The following AP3B1 variants were observed in gnomAD, a reference collection of about 807,000 sequenced individuals.
AP3B1 encodes AP-3 complex subunit beta-1.
A neutral mutation model predicts 132.5 loss-of-function variants in AP3B1; 61 were observed. That is an observed-to-expected ratio of 0.46 (90% CI 0.37 to 0.57). AP3B1 has a LOEUF of 0.57. Ranked by LOEUF, AP3B1 falls within the 20% of genes least tolerant of loss-of-function variation. The pLI, the probability that AP3B1 is intolerant of heterozygous loss-of-function variation, is 0.00. For synonymous variants in AP3B1, 388 were observed against 438.3 expected (o/e 0.89, Z 1.43); for missense variants, 1,120 against 1,289.4 (o/e 0.87, Z 2.01).
intron 12 of AP3B1, among the ~76,000 whole-genome samples, chr5:78,165,177 A>G (rs1241121097): frequency 6.6e-6 from 1 of 152,194 alleles, no homozygotes; most frequent in East Asian, 1.9e-4. Context: ...TAGTGGGGCA[A>G]TTATGAAACA....
chr5:78,215,855 A>G (rs1172909315), intron 7 of AP3B1, among the ~76,000 whole-genome samples, 200 bp downstream of exon 7: 1 of 152,232 alleles, frequency 6.6e-6, no homozygotes, highest in Non-Finnish European at 1.5e-5. Flanking sequence ...ATAAATATGT[A>G]TCAATCAGTG....
chr5:78,163,520 A>AT, intron 12 of AP3B1, among the ~76,000 whole-genome samples: 1 of 151,692 alleles, frequency 6.6e-6, no homozygotes, highest in East Asian at 1.9e-4. Context: ...ATAAAATACC[A>AT]TACTTTTGAA....
At chr5:78,118,022 T>C (rs1263157587) in intron 17 of AP3B1, among the ~76,000 whole-genome samples, 1 of 152,248 alleles carries the variant, frequency 6.6e-6, no homozygotes, top group Non-Finnish European at 1.5e-5. Context: ...TATTCAAGAA[T>C]GTTTCTCAGC....
At chr5:78,160,581 G>C (rs1743348739) in intron 13 of AP3B1, among the ~76,000 whole-genome samples, 1 of 152,016 alleles carries the variant, frequency 6.6e-6, no homozygotes, top group African/African-American at 2.4e-5. Context: ...AAATGTCCCT[G>C]AGGTTTAAAG....
At chr5:78,209,203 G>C (rs1051899136) in intron 7 of AP3B1, among the ~76,000 whole-genome samples, 1 of 152,012 alleles carries the variant, frequency 6.6e-6, no homozygotes, top group Admixed American at 6.6e-5. Context: ...AACTAGTTCA[G>C]ACCATGATAG....
chr5:78,223,334 T>A (rs1580508239), intron 6 of AP3B1, among the ~76,000 whole-genome samples: 1 of 151,944 alleles, frequency 6.6e-6, no homozygotes, highest in African/African-American at 2.4e-5. Flanking sequence ...ATATAGTATA[T>A]AACACTTTAG....
At chr5:78,132,701 T>C (rs1243133457) in intron 15 of AP3B1, among the ~76,000 whole-genome samples, 2 of 152,234 alleles carry the variant, frequency 1.3e-5, no homozygotes, top group Non-Finnish European at 2.9e-5. Context: ...GCTTTTTAAA[T>C]GGATGTTGAT....
chr5:78,055,052 CACACACTT>C (rs1348635744), intron 22 of AP3B1, among the ~76,000 whole-genome samples: 3 of 136,450 alleles, frequency 2.2e-5, no homozygotes, highest in Non-Finnish European at 4.8e-5. Flanking sequence ...CACACACACA[CACACACTT>C]ACTTATATAA....
intron 2 of AP3B1, among the ~76,000 whole-genome samples, chr5:78,250,192 T>TA (rs746844009): frequency 1.1e-4 from 16 of 152,144 alleles, no homozygotes; most frequent in Non-Finnish European, 2.4e-4. Context: ...GTCTTTCTAA[T>TA]AATCTTCAGG....
intron 24 of AP3B1, among the ~76,000 whole-genome samples, chr5:78,033,314 A>C (rs544713235): frequency 2.6e-4 from 39 of 152,188 alleles, no homozygotes; most frequent in African/African-American, 9.1e-4. Flanking sequence ...TATATCACTA[A>C]TACAGCAGAC....
chr5:78,178,016 A>T (rs945831884), intron 8 of AP3B1, among the ~76,000 whole-genome samples: 3 of 152,170 alleles, frequency 2.0e-5, no homozygotes, highest in African/African-American at 7.2e-5. Context: ...ATCCTCAGAA[A>T]AAAAAAGAGA....
At chr5:78,142,955 G>A (rs935679896) in intron 14 of AP3B1, among the ~76,000 whole-genome samples, 34 of 152,076 alleles carry the variant, frequency 2.2e-4, no homozygotes, top group African/African-American at 7.7e-4. Flanking sequence ...TTTTAAATTG[G>A]GCTAAAGAAT....
chr5:78,073,939 T>C (rs1749655730), intron 22 of AP3B1, among the ~76,000 whole-genome samples: 1 of 152,182 alleles, frequency 6.6e-6, no homozygotes, highest in Admixed American at 6.5e-5. Context: ...ATGTTTCCTT[T>C]GTTTTTTTGG....
chr5:78,222,472 C>T (rs1746220555), intron 6 of AP3B1: 1 of 152,234 alleles, frequency 6.6e-6, no homozygotes, highest in African/African-American at 2.4e-5. Context: ...TCTGCAATAT[C>T]TGGTAGTCCA....
intron 14 of AP3B1, among the ~76,000 whole-genome samples, chr5:78,147,648 C>G (rs1753463976): frequency 1.3e-5 from 2 of 151,712 alleles, no homozygotes; most frequent in Non-Finnish European, 2.9e-5. Context: ...TAATGGTTAT[C>G]TTCTGAGAAA....
intron 7 of AP3B1, among the ~76,000 whole-genome samples, chr5:78,213,039 G>A (rs939411230): frequency 3.3e-5 from 5 of 151,870 alleles, no homozygotes; most frequent in African/African-American, 1.2e-4. Flanking sequence ...CACCGTGCCC[G>A]GCTAATTTTT....
intron 22 of AP3B1, among the ~76,000 whole-genome samples, chr5:78,049,998 TC>T (rs1748512395): frequency 6.6e-6 from 1 of 152,212 alleles, no homozygotes; most frequent in African/African-American, 2.4e-5. Context: ...TTGTTCCATT[TC>T]CTTGATCTTG....
At chr5:78,294,021 C>T (rs1344124613) in intron 1 of AP3B1, among the ~76,000 whole-genome samples, 1 of 152,110 alleles carries the variant, frequency 6.6e-6, no homozygotes, top group African/African-American at 2.4e-5. Context: ...AAAATAACTT[C>T]CCACAAGCAA....
intron 21 of AP3B1, among the ~76,000 whole-genome samples, chr5:78,090,602 T>C (rs1750469327): frequency 6.6e-6 from 1 of 152,254 alleles, no homozygotes; most frequent in African/African-American, 2.4e-5. Flanking sequence ...CAAACTTCTA[T>C]AACTGTACTT....
Sources: gnomAD v4.1 joint callset for allele counts (sites outside exome capture counted in the v4.1 genomes callset) on GRCh38, gnomAD v4.1.1 for gene constraint, MANE v1.5 for transcripts, NCBI Gene and HGNC (gene_info 2026-07-23, HGNC 2026-07-21) for gene names.